The following TMEM14C variants were observed in gnomAD, a reference collection of about 807,000 sequenced individuals.
TMEM14C encodes the protein transmembrane protein 14C.
In TMEM14C, 13 loss-of-function variants were observed where a neutral mutation model predicts 14.8. That is an observed-to-expected ratio of 0.88 (90% CI 0.57 to 1.40). The LOEUF (loss-of-function observed/expected upper bound fraction) is 1.40, where lower values mean the gene tolerates loss of function less well. Ranked by LOEUF, TMEM14C falls within the 40% of genes most tolerant of loss-of-function variation. The probability of loss-of-function intolerance (pLI) is 0.00; values close to 1 mark genes in which losing one functional copy is unlikely to be tolerated. For synonymous variants in TMEM14C, 57 were observed against 51.3 expected (o/e 1.11, Z -0.48); for missense variants, 142 against 138.8 (o/e 1.02, Z -0.12).
Position 10,724,595 on chromosome 6 carries a change from C to G in TMEM14C, c.-19C>G. ...GTGCAGGCCTGGGGTAGTCTCCTGT[C>G]TGGACAGAGAAGAGAAAAATGCAGG... is the stretch of plus-strand genomic sequence containing the variant. On this transcript the variant is annotated 5_prime_UTR_variant, in exon 2 of 6. Transcript: ENST00000229563. 1 of 1,612,758 alleles carries G rather than the reference C, an allele frequency of 6.2e-7. No individual in the cohort carries two copies. Among genetic ancestry groups the G allele is most frequent in the Non-Finnish European group, 8.5e-7 (1 of 1,179,340 alleles).
chr6:10,728,814 C>G, intron 5 of TMEM14C, 87 bp downstream of exon 5: 1 of 1,594,166 alleles, frequency 6.3e-7, no homozygotes, highest in South Asian at 1.1e-5. Flanking sequence ...TTACTTGTTT[C>G]AGGATATCTG....
chr6:10,727,979 T>G (rs1303463432), intron 4 of TMEM14C, among the ~76,000 whole-genome samples: 1 of 152,232 alleles, frequency 6.6e-6, no homozygotes, highest in Admixed American at 6.5e-5. Flanking sequence ...CATCTTGACT[T>G]CTGTGCCATG....
intron 4 of TMEM14C, among the ~76,000 whole-genome samples, chr6:10,727,828 A>G (rs527790757): frequency 7.2e-6 from 1 of 137,962 alleles, no homozygotes; most frequent in African/African-American, 2.8e-5. Flanking sequence ...CTCAAAAATT[A>G]AAAAAAAAAA....
At chr6:10,724,721 C>CTTAGGGTTAGTAACCCTAAGAGTAGAGA in intron 2 of TMEM14C, 88 bp downstream of exon 2, 1 of 1,512,232 alleles carries the variant, frequency 6.6e-7, no homozygotes, top group Non-Finnish European at 9.1e-7. Context: ...TAAGAGTAGA[C>CTTAGGGTTAGTAACCCTAAGAGTAGAGA]TGCCTGGGAT....
At chr6:10,728,441 T>G (rs550158207) in intron 4 of TMEM14C, among the ~76,000 whole-genome samples, 199 bp from the exon 5 acceptor site, 1 of 152,266 alleles carries the variant, frequency 6.6e-6, no homozygotes, top group African/African-American at 2.4e-5. Flanking sequence ...ACCCAGGCTG[T>G]GAAGGGCCCT....
At position 10,724,502 on chromosome 6, in the gene TMEM14C, A is replaced by G. The variant is rs140990521; in HGVS notation, c.-44-68A>G. ...TTAGGTTGCGTAGCTTGCAGGTTGGACACACTTCTTTCTGACTGCTGGAGA... is the reference window on the plus strand; with the variant it reads ...TTAGGTTGCGTAGCTTGCAGGTTGGGCACACTTCTTTCTGACTGCTGGAGA... On this transcript the variant is annotated intron_variant, in intron 1 of 5. Transcript: ENST00000229563. The G allele has an allele frequency of 3.8e-6, 4 of 1,065,396 alleles. No homozygotes were observed. The African/African-American group carries it at 6.2e-5, about 17-fold the overall frequency. The allele number at this position is 1,065,396 out of a possible 1,614,324, so 66.0% of individuals were successfully genotyped here. A position where few individuals can be genotyped will look rare whatever the true frequency, so the allele number is the denominator to read the frequency against.
In TMEM14C at chr6:10,727,814, C is replaced by CT. The variant is rs535114452; in HGVS notation, c.200-825dup. On this transcript the variant is annotated intron_variant, in intron 4 of 5. Transcript: ENST00000229563. ...CTAGCCTGGGCGACAGATCAAGACT[C>CT]TGTCTCAAAAATTAAAAAAAAAAAT... 4.1e-4 allele frequency among the ~76,000 whole-genome samples: 62 copies of CT among 151,836 alleles called. No homozygotes were observed. In the East Asian group the frequency reaches 6.6e-3, roughly 16 times the overall value.
At chr6:10,728,214 A>C (rs988733253) in intron 4 of TMEM14C, among the ~76,000 whole-genome samples, 2 of 152,248 alleles carry the variant, frequency 1.3e-5, no homozygotes, top group Non-Finnish European at 2.9e-5. Flanking sequence ...AAAGACAGTT[A>C]CAATAACCTT....
At chr6:10,729,192 C>T (rs749868170) in intron 5 of TMEM14C, among the ~76,000 whole-genome samples, 1 of 152,162 alleles carries the variant, frequency 6.6e-6, no homozygotes, top group Non-Finnish European at 1.5e-5. Context: ...AGTGCAATGG[C>T]GTGATCTCCG....
intron 5 of TMEM14C, chr6:10,728,975 T>G: frequency 1.2e-6 from 1 of 813,720 alleles, no homozygotes; most frequent in East Asian, 3.0e-5. Context: ...TCCAAACTCC[T>G]CCCTATATGG....
intron 1 of TMEM14C, among the ~76,000 whole-genome samples, 161 bp downstream of exon 1, chr6:10,723,402 AGTT>A (rs1034771807): frequency 3.3e-5 from 5 of 152,036 alleles, no homozygotes; most frequent in Admixed American, 3.3e-4. Context: ...TTTTAAAAGA[AGTT>A]GTGGATGCGC....
intron 4 of TMEM14C, 94 bp downstream of exon 4, chr6:10,726,102 ACACTT>A: frequency 7.2e-7 from 1 of 1,381,484 alleles, no homozygotes; most frequent in East Asian, 2.3e-5. Flanking sequence ...TGAGTTCTTC[ACACTT>A]CACTTACGAC....
intron 5 of TMEM14C, among the ~76,000 whole-genome samples, chr6:10,729,593 A>G (rs1272381516): frequency 6.6e-6 from 1 of 152,090 alleles, no homozygotes; most frequent in East Asian, 1.9e-4. Context: ...CCTGGCCAAC[A>G]TTGCGAAACC....
rs775765070 is a variant in TMEM14C at position 10,724,990 on chromosome 6, A to G, written c.50A>G (p.Tyr17Cys). ...CCTTTGCATTGGTTTGGCTTTGGCT[A>G]CGCAGCACTGGTTGCTTCTGGTGGG... ...VVPLHWFGFGYAALVASGGII... is the reference protein window; with the variant it reads ...VVPLHWFGFGCAALVASGGII... Residue 17 changes from tyrosine to cysteine, a missense_variant, in exon 3 of 6, where the codon TAC (tyrosine) becomes TGC (cysteine). Physicochemically the swap from Tyr to Cys is radical, Grantham distance 194 (BLOSUM62 -2). Coordinates refer to ENST00000229563, the MANE Select transcript of TMEM14C (RefSeq NM_016462.4). 10 of 1,614,102 alleles carry G rather than the reference A, an allele frequency of 6.2e-6. No homozygotes were observed. Among genetic ancestry groups the G allele is most frequent in the Non-Finnish European group, 8.5e-6 (10 of 1,180,052 alleles).
chr6:10,729,800 C>G, intron 5 of TMEM14C, among the ~76,000 whole-genome samples: 1 of 148,568 alleles, frequency 6.7e-6, no homozygotes, highest in South Asian at 2.1e-4. Context: ...AACAAACAAA[C>G]AAAACTTTAG....
Position 10,730,986 on chromosome 6 carries a change from A to C in TMEM14C, c.*320A>C. 9.7e-7 allele frequency: 1 copy of C among 1,027,280 alleles called. No homozygotes were observed. Among genetic ancestry groups the C allele is most frequent in the Non-Finnish European group, 1.2e-6 (1 of 857,338 alleles). 63.6% of individuals were successfully genotyped at this position (1,027,280 alleles called of 1,614,324 possible). ...TCAGCTTTCAGGGCTCTGAAACCCC[A>C]TTCCCTGCTCTGAGGAACAGTGTGA... is the stretch of plus-strand genomic sequence containing the variant. On this transcript the variant is annotated 3_prime_UTR_variant, in exon 6 of 6. Coordinates refer to ENST00000229563, the MANE Select transcript of TMEM14C (RefSeq NM_016462.4).
Position 10,725,490 on chromosome 6 carries a change from A to G in TMEM14C, c.98-417A>G, listed in dbSNP as rs570318852. Among the ~76,000 whole-genome samples the G allele has an allele frequency of 2.0e-5, 3 of 152,038 alleles. No homozygotes were observed. In the East Asian group the frequency reaches 5.8e-4, roughly 29 times the overall value. Reference sequence around the variant, plus strand: ...TTCCCACCCCAACCCCTGCACCAGAATTCTTCTTCTCCAGGTCTTTGTATT... The same window carrying G: ...TTCCCACCCCAACCCCTGCACCAGAGTTCTTCTTCTCCAGGTCTTTGTATT... On this transcript the variant is annotated intron_variant, in intron 3 of 5. Coordinates refer to ENST00000229563, the MANE Select transcript of TMEM14C (RefSeq NM_016462.4).
intron 4 of TMEM14C, among the ~76,000 whole-genome samples, chr6:10,728,113 C>G (rs1234164137): frequency 2.0e-5 from 3 of 152,222 alleles, no homozygotes; most frequent in African/African-American, 7.2e-5. Flanking sequence ...AATTTCAGAT[C>G]TCAGCCAATC....
intron 5 of TMEM14C, chr6:10,728,931 A>C (rs954540536): frequency 5.5e-6 from 7 of 1,279,326 alleles, no homozygotes; most frequent in Non-Finnish European, 7.5e-6. Context: ...TCACCGTGGA[A>C]ATGGGTTTGT....
Sources: allele counts gnomAD v4.1 joint callset (sites outside exome capture counted in the v4.1 genomes callset), GRCh38; gene constraint gnomAD v4.1.1; transcripts MANE v1.5; gene names NCBI Gene and HGNC (gene_info 2026-07-23, HGNC 2026-07-21).